MFNG: variants seen among roughly 807,000 people sequenced by gnomAD.
The protein encoded by MFNG is MFNG O-fucosylpeptide 3-beta-N-acetylglucosaminyltransferase.
MFNG carries 24 observed loss-of-function variants against 34.2 expected under a neutral mutation model. That is an observed-to-expected ratio of 0.70 (90% CI 0.51 to 0.99). MFNG has a LOEUF of 0.99. Among genes scored for constraint, MFNG ranks in the 50% least tolerant of loss-of-function variants. MFNG has a pLI of 0.00. For synonymous variants in MFNG, 158 were observed against 179.2 expected (o/e 0.88, Z 0.94); for missense variants, 383 against 424.0 (o/e 0.90, Z 0.85).
chr22:37,479,615 C>T, intron 3 of MFNG, 117 bp from the exon 4 acceptor site: 1 of 1,280,700 alleles, frequency 7.8e-7, no homozygotes, highest in Non-Finnish European at 1.1e-6. Flanking sequence ...GAGAGGCTGA[C>T]ATTTAAGGCA....
At chr22:37,470,992 C>T (rs184644757) in intron 7 of MFNG, among the ~76,000 whole-genome samples, 36 of 152,302 alleles carry the variant, frequency 2.4e-4, no homozygotes, top group Admixed American at 1.2e-3. Flanking sequence ...AGGTCCTTCA[C>T]GTTACCTCCT....
intron 1 of MFNG, among the ~76,000 whole-genome samples, chr22:37,481,774 G>A (rs1342796088): frequency 3.3e-5 from 5 of 152,192 alleles, no homozygotes; most frequent in Admixed American, 3.3e-4. Flanking sequence ...CCTCTTTAAA[G>A]CCCTCCGACT....
chr22:37,471,818 G>C (rs573572701), intron 7 of MFNG, among the ~76,000 whole-genome samples: 1 of 129,806 alleles, frequency 7.7e-6, no homozygotes, highest in East Asian at 2.4e-4. Flanking sequence ...GCAACAGAGC[G>C]AGGCTCCATC....
intron 4 of MFNG, among the ~76,000 whole-genome samples, chr22:37,478,536 C>G (rs1922139591): frequency 1.3e-5 from 2 of 151,764 alleles, no homozygotes; most frequent in African/African-American, 2.4e-5. Context: ...ACAGAGCCCC[C>G]TGTTTTGCCA....
chr22:37,483,679 C>A lies in MFNG; in HGVS notation c.255+2244G>T, dbSNP rs1173152159. ...CCTGTAGTCCAAGCTACTCAGGAAGCTGAGGATCACTTGAAACCAGGAGGC... is the reference window on the plus strand; with the variant it reads ...CCTGTAGTCCAAGCTACTCAGGAAGATGAGGATCACTTGAAACCAGGAGGC... On this transcript the variant is annotated intron_variant, in intron 1 of 7. Transcript: ENST00000356998. This position sits in a 1 kb window ranked among gnomAD's most constrained non-coding sequence, Gnocchi z 4.5. Among the ~76,000 whole-genome samples the A allele has an allele frequency of 2.6e-5, 4 of 152,176 alleles. No homozygotes were observed. Among genetic ancestry groups the A allele is most frequent in the Non-Finnish European group, 4.4e-5 (3 of 68,004 alleles).
chr22:37,475,927 C>T (rs1430827422), intron 5 of MFNG, among the ~76,000 whole-genome samples: 9 of 152,172 alleles, frequency 5.9e-5, no homozygotes, highest in African/African-American at 1.9e-4. Flanking sequence ...TTGCCTGGGG[C>T]GCCCCTCCCA....
intron 7 of MFNG, among the ~76,000 whole-genome samples, chr22:37,471,972 T>C (rs548758914): frequency 1.1e-4 from 17 of 152,022 alleles, no homozygotes; most frequent in African/African-American, 4.1e-4. Flanking sequence ...CCGTGGCCAG[T>C]TCTGGGCAGA....
In MFNG at chr22:37,479,475, T is replaced by C. The variant is rs1367662317; in HGVS notation, c.431A>G (p.Asp144Gly). Residue 144 changes from aspartate (D) to glycine (G), a missense_variant, in exon 4 of 8, where the codon GAC becomes GGC. Asp to Gly is a moderately conservative substitution (Grantham distance 94). Transcript: ENST00000356998. ...CAGCGCCCTTGGGTTCACATAGTTG[T>C]CATCGTCCACATGGCAGAACCACCT... Reference protein sequence around the residue: ...GLRWFCHVDDDNYVNPRALLQ... With the variant: ...GLRWFCHVDDGNYVNPRALLQ... The C allele has an allele frequency of 6.2e-7, 1 of 1,610,908 alleles. No individual in the cohort carries two copies. The highest frequency in any genetic ancestry group is 8.5e-7 in the Non-Finnish European group (1 of 1,178,638).
intron 6 of MFNG, 80 bp from the exon 7 acceptor site, chr22:37,472,608 G>A (rs1163702027): frequency 3.7e-6 from 5 of 1,360,324 alleles, no homozygotes; most frequent in African/African-American, 3.0e-5. Flanking sequence ...ACAGGTGGAG[G>A]AGGGGTTTTA....
At chr22:37,481,392 G>A (rs890783887) in intron 1 of MFNG, 6 of 152,778 alleles carry the variant, frequency 3.9e-5, no homozygotes, top group African/African-American at 1.4e-4. Context: ...TGACAAAAAG[G>A]AGGCTGAGTG....
chr22:37,486,127 C>T lies in MFNG; in HGVS notation c.51G>A (p.Leu17=). 1.2e-6 allele frequency: 2 copies of T among 1,606,748 alleles called. No individual in the cohort carries two copies. The highest frequency in any genetic ancestry group is 1.7e-6 in the Non-Finnish European group (2 of 1,174,808). ...RGLAGALLTL[L]CMGLLCLRYH... ...ACCGCAGACACAGGAGCCCCATGCA[C>T]AGGAGGGTGAGGAGGGCTCCAGCCA... is the stretch of plus-strand genomic sequence containing the variant. The change falls in exon 1 of 8, where the codon CTG becomes CTA. Residue 17 remains leucine, a synonymous_variant. Transcript: ENST00000356998.
chr22:37,470,082 G>T, intron 7 of MFNG, 53 bp from the exon 8 acceptor site: 3 of 1,403,850 alleles, frequency 2.1e-6, no homozygotes, highest in Non-Finnish European at 2.0e-6. Context: ...TCTGCTCTCA[G>T]CCCACTCTCC....
intron 4 of MFNG, among the ~76,000 whole-genome samples, chr22:37,477,234 AG>A (rs1332441895): frequency 6.6e-6 from 1 of 152,202 alleles, no homozygotes; most frequent in Non-Finnish European, 1.5e-5. Context: ...TTCCAGTTAA[AG>A]GGGACAGGTG....
intron 7 of MFNG, among the ~76,000 whole-genome samples, chr22:37,471,005 C>T (rs1921779480): frequency 6.6e-6 from 1 of 152,172 alleles, no homozygotes; most frequent in African/African-American, 2.4e-5. Flanking sequence ...TACCTCCTCA[C>T]AGAAGCCTTC....
chr22:37,478,009 G>A (rs1021412203), intron 4 of MFNG, among the ~76,000 whole-genome samples: 1 of 152,226 alleles, frequency 6.6e-6, no homozygotes, highest in South Asian at 2.1e-4. Context: ...CCACCCCAGA[G>A]GCAAACTGCT....
At chr22:37,471,126 C>T (rs1921783902) in intron 7 of MFNG, among the ~76,000 whole-genome samples, 1 of 152,302 alleles carries the variant, frequency 6.6e-6, no homozygotes, top group African/African-American at 2.4e-5. Flanking sequence ...GTCCCAGACT[C>T]CCCGTCCCCC....
intron 4 of MFNG, among the ~76,000 whole-genome samples, chr22:37,477,399 G>T (rs932117109): frequency 5.9e-5 from 9 of 152,160 alleles, no homozygotes; most frequent in African/African-American, 2.2e-4. Context: ...GCATAGGAAA[G>T]ATGTGGCTGG....
intron 6 of MFNG, among the ~76,000 whole-genome samples, chr22:37,472,904 G>A (rs1398878043): frequency 2.6e-5 from 4 of 152,076 alleles, no homozygotes; most frequent in African/African-American, 4.8e-5. Flanking sequence ...CTCTTCACCC[G>A]GAGCCCCTAC....
rs1922532717 is a variant in MFNG at position 37,486,015 on chromosome 22, C to T, written c.163G>A (p.Asp55Asn). 1 of 1,614,062 alleles carries T rather than the reference C, an allele frequency of 6.2e-7. No individual in the cohort carries two copies. Among genetic ancestry groups the T allele is most frequent in the South Asian group, 1.1e-5 (1 of 91,074 alleles). ...NPGPPKLQLH[D>N]VFIAVKTTRA... ...GTCGTCTTCACTGCAATGAAGACAT[C>T]GTGTAGCTGTAGCTTAGGGGGCCCC... The change falls in exon 1 of 8, where the codon GAT (aspartate) becomes AAT (asparagine). Residue 55 changes from aspartate to asparagine, a missense_variant. By Grantham distance (23) the Asp-to-Asn change is conservative. Coordinates refer to ENST00000356998, the MANE Select transcript of MFNG (RefSeq NM_002405.4).
Sources: gnomAD v4.1 joint callset for allele counts (sites outside exome capture counted in the v4.1 genomes callset) on GRCh38, gnomAD v4.1.1 for gene constraint, Gnocchi (gnomAD v3.1) non-coding constraint, MANE v1.5 for transcripts, NCBI Gene and HGNC (gene_info 2026-07-23, HGNC 2026-07-21) for gene names.